Variants in LRRTM4 observed in about 807,000 individuals in gnomAD.
The protein encoded by LRRTM4 is leucine rich repeat transmembrane neuronal 4, also known as leucine-rich repeat transmembrane neuronal protein 4.
Under a neutral mutation model 47.6 loss-of-function variants are expected in LRRTM4, and 25 were observed. The ratio of observed to expected loss-of-function variants is 0.53; its 90% CI spans 0.38 to 0.73. The LOEUF is 0.73. Among genes scored for constraint, LRRTM4 ranks in the 30% least tolerant of loss-of-function variants. The pLI, the probability that LRRTM4 is intolerant of heterozygous loss-of-function variation, is 0.00. For missense variants in LRRTM4, 638 were observed against 713.4 expected, an observed-to-expected ratio of 0.89 and a Z score of 1.20; for synonymous variants, 311 against 269.5, an observed-to-expected ratio of 1.15 and a Z score of -1.51.
At chr2:77,115,735 T>A (rs1299322858) in intron 3 of LRRTM4, among the ~76,000 whole-genome samples, 1 of 152,216 alleles carries the variant, frequency 6.6e-6, no homozygotes, top group Non-Finnish European at 1.5e-5. Context: ...TGTGAGAAAT[T>A]CTTCAAAATA....
chr2:76,901,227 G>A (rs1327558517), intron 3 of LRRTM4, among the ~76,000 whole-genome samples: 1 of 151,894 alleles, frequency 6.6e-6, no homozygotes, highest in Non-Finnish European at 1.5e-5. Flanking sequence ...ACAGGCCCCA[G>A]TGTGTGTTGT....
At chr2:76,792,476 A>G (rs1317491558) in intron 3 of LRRTM4, among the ~76,000 whole-genome samples, 1 of 152,206 alleles carries the variant, frequency 6.6e-6, no homozygotes. Context: ...AAGGATATAC[A>G]TCAATTCCTG....
intron 3 of LRRTM4, among the ~76,000 whole-genome samples, chr2:77,152,403 A>G (rs1355352572): frequency 6.6e-6 from 1 of 151,902 alleles, no homozygotes; most frequent in Admixed American, 6.6e-5. Context: ...ATCTCGGCTC[A>G]CTGCAACCTC....
intron 3 of LRRTM4, among the ~76,000 whole-genome samples, chr2:76,784,769 ATTGAATTCTTT>A (rs1286967981): frequency 1.3e-5 from 2 of 151,426 alleles, no homozygotes; most frequent in African/African-American, 2.4e-5. Flanking sequence ...TGTTGTCAAG[ATTGAATTCTTT>A]TTGTATGGTT....
At chr2:77,077,040 C>G (rs914981308) in intron 3 of LRRTM4, among the ~76,000 whole-genome samples, 4 of 152,106 alleles carry the variant, frequency 2.6e-5, no homozygotes, top group African/African-American at 9.7e-5. Flanking sequence ...TCCCCAACAG[C>G]TTATTTGTTG....
chr2:76,887,125 GA>G (rs894254968), intron 3 of LRRTM4, among the ~76,000 whole-genome samples: 8 of 150,818 alleles, frequency 5.3e-5, no homozygotes, highest in African/African-American at 1.9e-4. Context: ...AAGTGTAAAT[GA>G]AAAAAAACAC....
At chr2:77,485,250 T>C (rs1677862908) in intron 3 of LRRTM4, among the ~76,000 whole-genome samples, 1 of 152,048 alleles carries the variant, frequency 6.6e-6, no homozygotes, top group African/African-American at 2.4e-5. Flanking sequence ...AAGTAGGTCA[T>C]ATAATCCGAG....
intron 3 of LRRTM4, among the ~76,000 whole-genome samples, chr2:77,159,156 T>C (rs1672639583): frequency 6.6e-6 from 1 of 151,950 alleles, no homozygotes; most frequent in African/African-American, 2.4e-5. Flanking sequence ...CAGCTGACAC[T>C]TCACCAACAG....
chr2:76,959,086 C>G (rs1411497694), intron 3 of LRRTM4, among the ~76,000 whole-genome samples: 1 of 151,718 alleles, frequency 6.6e-6, no homozygotes, highest in African/African-American at 2.4e-5. Context: ...AATCAGGCCT[C>G]TAAGCCCAGG....
At chr2:76,833,795 TAGAGA>T (rs1390879075) in intron 3 of LRRTM4, among the ~76,000 whole-genome samples, 6 of 151,776 alleles carry the variant, frequency 4.0e-5, no homozygotes, top group African/African-American at 1.4e-4. Flanking sequence ...TATTTTTTCT[TAGAGA>T]AAATAGCAAA....
chr2:76,778,781 G>A (rs1674179445), intron 3 of LRRTM4, among the ~76,000 whole-genome samples: 2 of 150,564 alleles, frequency 1.3e-5, no homozygotes, highest in African/African-American at 4.9e-5. Context: ...TCTGAGTTTA[G>A]TTATTTCTTG....
chr2:77,227,294 T>A (rs148860484), intron 3 of LRRTM4, among the ~76,000 whole-genome samples: 1 of 152,232 alleles, frequency 6.6e-6, no homozygotes, highest in East Asian at 1.9e-4. Context: ...TTTATTTTAA[T>A]ATTACTGCCA....
chr2:77,488,346 G>A (rs1678008004), intron 3 of LRRTM4, among the ~76,000 whole-genome samples: 1 of 152,196 alleles, frequency 6.6e-6, no homozygotes, highest in Non-Finnish European at 1.5e-5. Flanking sequence ...AAGCCTGGTT[G>A]TGTGCGGCAG....
At chr2:77,164,683 A>G (rs1161149943) in intron 3 of LRRTM4, among the ~76,000 whole-genome samples, 3 of 152,292 alleles carry the variant, frequency 2.0e-5, no homozygotes, top group Non-Finnish European at 4.4e-5. Context: ...TCAACTGCAT[A>G]GAAACTGAAC....
intron 3 of LRRTM4, among the ~76,000 whole-genome samples, chr2:77,394,732 C>T (rs573881958): frequency 2.6e-4 from 39 of 152,054 alleles, no homozygotes; most frequent in South Asian, 8.3e-4. Context: ...GGGGTAGAGA[C>T]TTAATGTTTA....
chr2:76,830,258 A>T (rs1330520411), intron 3 of LRRTM4, among the ~76,000 whole-genome samples: 1 of 152,006 alleles, frequency 6.6e-6, no homozygotes, highest in Non-Finnish European at 1.5e-5. Context: ...GTTCAATAAA[A>T]CTATAAAATC....
intron 3 of LRRTM4, among the ~76,000 whole-genome samples, chr2:76,999,095 G>A (rs1677317094): frequency 1.3e-5 from 2 of 151,998 alleles, no homozygotes; most frequent in African/African-American, 4.8e-5. Context: ...TGTTGTGTGT[G>A]TGTTGGGGAG....
intron 3 of LRRTM4, among the ~76,000 whole-genome samples, chr2:77,182,375 G>T (rs1673372378): frequency 6.6e-6 from 1 of 152,060 alleles, no homozygotes. Context: ...GTTGAACAAT[G>T]AGAACACATG....
intron 3 of LRRTM4, among the ~76,000 whole-genome samples, chr2:77,220,446 T>C (rs1286762030): frequency 6.6e-6 from 1 of 152,094 alleles, no homozygotes; most frequent in Non-Finnish European, 1.5e-5. Flanking sequence ...GCAAAGAAGT[T>C]AAAAACGTTG....
Sources: gnomAD v4.1 joint callset for allele counts (sites outside exome capture counted in the v4.1 genomes callset) on GRCh38, gnomAD v4.1.1 for gene constraint, MANE v1.5 for transcripts, NCBI Gene and HGNC (gene_info 2026-07-23, HGNC 2026-07-21) for gene names.